The following SGK2 variants were observed in gnomAD, a reference collection of about 807,000 sequenced individuals.
SGK2 encodes serine/threonine-protein kinase Sgk2.
SGK2 carries 36 observed loss-of-function variants against 47.5 expected under a neutral mutation model. That is an observed-to-expected ratio of 0.76 (90% CI 0.58 to 1.00). The LOEUF (loss-of-function observed/expected upper bound fraction) is 1.00. SGK2 is among the 50% of genes least tolerant of loss of function. SGK2 has a pLI of 0.00. For synonymous variants in SGK2, 157 were observed against 181.9 expected, an observed-to-expected ratio of 0.86 and a Z score of 1.10; for missense variants, 404 against 467.4, an observed-to-expected ratio of 0.86 and a Z score of 1.25.
At chr20:43,561,924 G>T (rs564390178) in intron 1 of SGK2, among the ~76,000 whole-genome samples, 15 of 152,244 alleles carry the variant, frequency 9.9e-5, no homozygotes, top group Admixed American at 4.6e-4. Context: ...ATGGTTTCTG[G>T]ATATATTTTG....
intron 12 of SGK2, chr20:43,583,619 T>A: frequency 3.0e-6 from 3 of 985,356 alleles, no homozygotes; most frequent in Non-Finnish European, 3.6e-6. Flanking sequence ...ACAGAGAGAC[T>A]GTATTGGTTA....
chr20:43,577,855 G>A (rs992861896), intron 11 of SGK2, among the ~76,000 whole-genome samples: 1 of 151,734 alleles, frequency 6.6e-6, no homozygotes, highest in Non-Finnish European at 1.5e-5. Flanking sequence ...ATGTTGGACA[G>A]GCTGGTCTCG....
At chr20:43,566,191 G>C in intron 1 of SGK2, 2 of 717,114 alleles carry the variant, frequency 2.8e-6, no homozygotes, top group Non-Finnish European at 4.7e-6. Flanking sequence ...TTGTTGCCCT[G>C]GGTGTCCCCA....
chr20:43,574,217 G>A lies in SGK2; in HGVS notation c.598-692G>A, dbSNP rs531805252. Among the ~76,000 whole-genome samples the A allele has an allele frequency of 1.1e-4, 17 of 152,248 alleles. No individual in the cohort carries two copies. The South Asian group carries it at 2.1e-3, about 19-fold the overall frequency. ...GTTGCTGAGACCTTGCCCCCGACTC[G>A]GTGGCAGAGACACCAGGCTAAGAAG... On this transcript the variant is annotated intron_variant, in intron 9 of 12. Transcript: ENST00000373100.
At chr20:43,580,727 CAAAAAA>C (rs764803627) in intron 12 of SGK2, among the ~76,000 whole-genome samples, 1 of 68,732 alleles carries the variant, frequency 1.5e-5, no homozygotes, top group Non-Finnish European at 2.7e-5. Context: ...GACTTCATCT[CAAAAAA>C]AAAAAAAAAA....
chr20:43,559,488 A>G (rs1979264784), intron 1 of SGK2, among the ~76,000 whole-genome samples: 1 of 152,140 alleles, frequency 6.6e-6, no homozygotes. Flanking sequence ...CTGGGTTCAA[A>G]TCCTGGTTAT....
chr20:43,570,498 G>A, intron 6 of SGK2, 119 bp from the exon 7 acceptor site: 1 of 634,312 alleles, frequency 1.6e-6, no homozygotes. Context: ...CTTTTGGTAG[G>A]AAGAATGCTG....
chr20:43,559,576 A>G (rs1199186727), intron 1 of SGK2, among the ~76,000 whole-genome samples: 2 of 152,158 alleles, frequency 1.3e-5, no homozygotes, highest in South Asian at 2.1e-4. Flanking sequence ...AGGGACGATG[A>G]TAGTTCCTAA....
chr20:43,571,817 G>T (rs1023745057), intron 8 of SGK2, among the ~76,000 whole-genome samples: 1 of 152,188 alleles, frequency 6.6e-6, no homozygotes, highest in African/African-American at 2.4e-5. Context: ...TCGTAGGGGT[G>T]GGTCTGAGTT....
intron 6 of SGK2, chr20:43,569,789 A>T (rs1979985757): frequency 2.4e-6 from 1 of 416,556 alleles, no homozygotes; most frequent in Admixed American, 3.7e-5. Context: ...CCATAGACGC[A>T]CTTTGATAGG....
In SGK2 at chr20:43,567,127, G is replaced by T; in HGVS notation, c.86+10G>T. 6.2e-7 allele frequency: 1 copy of T among 1,612,804 alleles called. No individual in the cohort carries two copies. The highest frequency in any genetic ancestry group is 8.5e-7 in the Non-Finnish European group (1 of 1,178,818). On this transcript the variant is annotated intron_variant, in intron 3 of 12. Transcript: ENST00000373100. ...CTTCAGCCAACCCAAAGTGAGTTCT[G>T]GTCCCTCAAGCACCTTTCCTACTTG...
chr20:43,566,476 T>A lies in SGK2; in HGVS notation c.-20T>A. The A allele has an allele frequency of 6.2e-7, 1 of 1,614,134 alleles. No homozygotes were observed. On this transcript the variant is annotated 5_prime_UTR_variant, in exon 2 of 13. Transcript: ENST00000373100. ...CTGCTCCTCCCTGTCCCCCCAGAGCTGCCTGATCATTGCTACAGAATGAAC... is the reference window on the plus strand; with the variant it reads ...CTGCTCCTCCCTGTCCCCCCAGAGCAGCCTGATCATTGCTACAGAATGAAC...
chr20:43,561,628 C>A (rs138106484), intron 1 of SGK2, among the ~76,000 whole-genome samples: 1 of 152,002 alleles, frequency 6.6e-6, no homozygotes, highest in Non-Finnish European at 1.5e-5. Context: ...ACCTCATGAT[C>A]CACCCGCCTC....
intron 11 of SGK2, among the ~76,000 whole-genome samples, chr20:43,577,578 T>C (rs1409204030): frequency 6.6e-6 from 1 of 151,000 alleles, no homozygotes; most frequent in African/African-American, 2.4e-5. Context: ...CTCGATCTTT[T>C]GACCTTGTGA....
Position 43,571,064 on chromosome 20 carries a change from G to GGTGGGTGGGTGGGTGTGT in SGK2, c.510+7_510+8insGGTGGGTGGGTGTGTGTG, listed in dbSNP as rs796100790. Reference sequence around the variant, plus strand: ...GAACATTCTCTTGGACTGCCAGGTTGGTGTGTGTGTGTGTGTGTGTGTGTG... The same window carrying GGTGGGTGGGTGGGTGTGT: ...GAACATTCTCTTGGACTGCCAGGTTGGTGGGTGGGTGGGTGTGTGTGTGTGTGTGTGTGTGTGTGTGTG... On this transcript the variant is annotated splice_donor_region_variant and intron_variant, in intron 8 of 12. Coordinates refer to ENST00000373100, the MANE Select transcript of SGK2 (RefSeq NM_170693.3). 1.3e-6 allele frequency: 2 copies of GGTGGGTGGGTGGGTGTGT among 1,566,068 alleles called. No homozygotes were observed. Among genetic ancestry groups the GGTGGGTGGGTGGGTGTGT allele is most frequent in the East Asian group, 4.5e-5 (2 of 44,264 alleles).
chr20:43,583,406 G>C lies in SGK2; in HGVS notation c.940-1446G>C, dbSNP rs191315355. The C allele has an allele frequency of 4.2e-4, 507 of 1,219,714 alleles. 2 individuals are homozygous for C. The African/African-American group carries it at 7.2e-3, about 17-fold the overall frequency. The allele number at this position is 1,219,714 out of a possible 1,614,324, so 75.6% of individuals were successfully genotyped here. ...CTCTTTAGTATCATTTTCTTCTACA[G>C]TCACACAACTAATAAGGGCCAGGAT... On this transcript the variant is annotated intron_variant, in intron 12 of 12. Coordinates refer to ENST00000373100, the MANE Select transcript of SGK2 (RefSeq NM_170693.3).
chr20:43,566,870 T>G (rs1600987621), intron 2 of SGK2, among the ~76,000 whole-genome samples, 198 bp from the exon 3 acceptor site: 4 of 104,176 alleles, frequency 3.8e-5, no homozygotes, highest in Admixed American at 1.4e-4. Context: ...GGTAAGATGG[T>G]GGATAAGTGG....
chr20:43,565,157 T>G (rs1480601442), intron 1 of SGK2: 2 of 152,324 alleles, frequency 1.3e-5, no homozygotes, highest in Non-Finnish European at 2.9e-5. Flanking sequence ...AGCTCTGTGC[T>G]GGGGCCAGGC....
chr20:43,564,753 GA>G (rs1344327716), intron 1 of SGK2: 1 of 152,552 alleles, frequency 6.6e-6, no homozygotes, highest in African/African-American at 2.4e-5. Context: ...CACACACTGA[GA>G]TACAGTGACA....
Sources: gnomAD v4.1 joint callset for allele counts (sites outside exome capture counted in the v4.1 genomes callset) on GRCh38, gnomAD v4.1.1 for gene constraint, MANE v1.5 for transcripts, NCBI Gene and HGNC (gene_info 2026-07-23, HGNC 2026-07-21) for gene names.